ULK3: variants seen among roughly 807,000 people sequenced by gnomAD.
The protein encoded by ULK3 is serine/threonine-protein kinase ULK3.
A neutral mutation model predicts 69.4 loss-of-function variants in ULK3; 54 were observed. That is an observed-to-expected ratio of 0.78 (90% CI 0.63 to 0.98). ULK3 has a LOEUF of 0.98. Ranked by LOEUF, ULK3 falls within the 50% of genes least tolerant of loss-of-function variation. The probability of loss-of-function intolerance (pLI) is 0.00; values close to 1 mark genes in which losing one functional copy is unlikely to be tolerated. For missense variants in ULK3, 558 were observed against 627.7 expected (o/e 0.89, Z 1.19); for synonymous variants, 240 against 254.5 (o/e 0.94, Z 0.54).
rs533634109 is a variant in ULK3, at chr15:74,837,846, G to T, written c.1288-48C>A. On this transcript the variant is annotated intron_variant, in intron 13 of 15. Coordinates refer to ENST00000440863, the MANE Select transcript of ULK3 (RefSeq NM_001099436.4). ...TGGGTGTGGGGGAGAGTGGCGGGGG[G>T]TGGGGTTTCAAAGGGAACTCCTCCT... 3.3e-6 allele frequency: 5 copies of T among 1,535,658 alleles called. No homozygotes were observed. In the African/African-American group the frequency reaches 6.8e-5, roughly 21 times the overall value.
chr15:74,840,815 T>A, intron 4 of ULK3, 174 bp from the exon 5 acceptor site: 1 of 866,780 alleles, frequency 1.2e-6, no homozygotes, highest in East Asian at 2.9e-5. Context: ...CTCTGGGGTA[T>A]AAAACCTACC....
At chr15:74,840,020 G>A (rs558906987) in intron 6 of ULK3, among the ~76,000 whole-genome samples, 2 of 152,244 alleles carry the variant, frequency 1.3e-5, no homozygotes, top group African/African-American at 4.8e-5. Context: ...TCCCCACAAG[G>A]GCCTGCAAAA....
In ULK3 at chr15:74,836,233, T is replaced by C. The variant is rs776528527; in HGVS notation, c.*995A>G. 1 of 152,232 alleles carries C rather than the reference T, an allele frequency of 6.6e-6. No individual in the cohort carries two copies. The highest frequency in any genetic ancestry group is 1.5e-5 in the Non-Finnish European group (1 of 68,042). 9.4% of individuals were successfully genotyped at this position (152,232 alleles called of 1,614,324 possible). On this transcript the variant is annotated 3_prime_UTR_variant, in exon 16 of 16. Coordinates refer to ENST00000440863, the MANE Select transcript of ULK3 (RefSeq NM_001099436.4). This position sits in a 1 kb window ranked among gnomAD's most constrained non-coding sequence, Gnocchi z 4.0. ...CATTTAAGGGCAGAAGGGCTACAAA[T>C]CACCAACACCCGCTGATTATTTAAA...
At position 74,842,258 on chromosome 15, in the gene ULK3, C is replaced by T. The variant is rs750073764; in HGVS notation, c.243+22G>A. 3.7e-6 allele frequency: 6 copies of T among 1,613,866 alleles called. No homozygotes were observed. The highest frequency in any genetic ancestry group is 2.2e-5 in the East Asian group (1 of 44,884). On this transcript the variant is annotated intron_variant, in intron 2 of 15. Transcript: ENST00000440863. The surrounding 1 kb of genome is among the most constrained non-coding windows in gnomAD (Gnocchi z 4.9). ...TCCCTTCTCCAGCTCCCTTTGGCAG[C>T]GGCCCCGCCCCAGGCTCACACCTGA...
chr15:74,837,674 A>AG (rs11312224), intron 14 of ULK3, 77 bp downstream of exon 14: 167 of 1,475,866 alleles, frequency 1.1e-4, no homozygotes, highest in Admixed American at 2.6e-4. Context: ...ATACACCAGC[A>AG]GGGGGGGACG....
Position 74,842,006 on chromosome 15 carries a change from G to T in ULK3, c.364+69C>A. On this transcript the variant is annotated intron_variant, in intron 3 of 15. Transcript: ENST00000440863. This position sits in a 1 kb window ranked among gnomAD's most constrained non-coding sequence, Gnocchi z 4.9. ...ATGCGTGCCAAGGCTCTAAGCCTGG[G>T]GGAGGGGTGGGATGGTGGGGGGCAG... is the stretch of plus-strand genomic sequence containing the variant. 1 of 1,606,072 alleles carries T rather than the reference G, an allele frequency of 6.2e-7. No homozygotes were observed. Among genetic ancestry groups the T allele is most frequent in the South Asian group, 1.1e-5 (1 of 90,324 alleles).
chr15:74,837,584 C>T lies in ULK3; in HGVS notation c.1336-149G>A. 3 of 1,035,880 alleles carry T rather than the reference C, an allele frequency of 2.9e-6. No homozygotes were observed. In the South Asian group the frequency reaches 4.9e-5, roughly 17 times the overall value. 64.2% of individuals were successfully genotyped at this position (1,035,880 alleles called of 1,614,324 possible). ...GAGTGAAGGACGGGGACACGAGCCA[C>T]AGCGCAGTGCCGAGCAAGAGAGAGA... On this transcript the variant is annotated intron_variant, in intron 14 of 15. Transcript: ENST00000440863.
chr15:74,842,304 G>C lies in ULK3; in HGVS notation c.219C>G (p.His73Gln), dbSNP rs2064285780. The change falls in exon 2 of 16, where the codon CAC (histidine) becomes CAG (glutamine). Residue 73 changes from histidine to glutamine, a missense_variant. Coordinates refer to ENST00000440863, the MANE Select transcript of ULK3 (RefSeq NM_001099436.4). This position sits in a 1 kb window ranked among gnomAD's most constrained non-coding sequence, Gnocchi z 4.9. ...IEILKGIRHP[H>Q]IVQLKDFQWD... ...CCTGAAAGTCTTTCAGCTGCACAAT[G>C]TGGGGATGTCGAATGCCCTTGAGGA... 6.2e-7 allele frequency: 1 copy of C among 1,613,914 alleles called. No individual in the cohort carries two copies. Among genetic ancestry groups the C allele is most frequent in the African/African-American group, 1.3e-5 (1 of 74,944 alleles).
At position 74,838,676 on chromosome 15, in the gene ULK3, T is replaced by C. The variant is rs1219659725; in HGVS notation, c.1069A>G (p.Arg357Gly). 6.2e-7 allele frequency: 1 copy of C among 1,612,458 alleles called. No homozygotes were observed. The highest frequency in any genetic ancestry group is 2.2e-5 in the East Asian group (1 of 44,832). ...AGGTCTCGGGCAGAGGTCCCCTGCC[T>C]CAGCAGGGCCTGATTGGAAGAGGAG... ...IVSSSNQALL[R>G]QGTSARDLLR... is the part of the protein sequence containing the mutation. Residue 357 changes from arginine to glycine, a missense_variant, in exon 10 of 16, where the codon AGG becomes GGG. Physicochemically the swap from Arg to Gly is moderately radical, Grantham distance 125. Transcript: ENST00000440863.
intron 6 of ULK3, 106 bp from the exon 7 acceptor site, chr15:74,839,819 G>A: frequency 7.1e-7 from 1 of 1,404,970 alleles, no homozygotes; most frequent in South Asian, 1.5e-5. Context: ...GGACAGGTGG[G>A]GAATCTGAGA....
In ULK3 at chr15:74,842,046, A is replaced by G. The variant is rs750941322; in HGVS notation, c.364+29T>C. On this transcript the variant is annotated intron_variant, in intron 3 of 15. Coordinates refer to ENST00000440863, the MANE Select transcript of ULK3 (RefSeq NM_001099436.4). This position sits in a 1 kb window ranked among gnomAD's most constrained non-coding sequence, Gnocchi z 4.9. ...GTGGGGGGCAGAGAACAAGGGACAGAGTGTCAGGCTGGTGTCACAGGCCTT... is the reference window on the plus strand; with the variant it reads ...GTGGGGGGCAGAGAACAAGGGACAGGGTGTCAGGCTGGTGTCACAGGCCTT... The G allele has an allele frequency of 1.9e-6, 3 of 1,613,156 alleles. No individual in the cohort carries two copies. The South Asian group carries it at 3.3e-5, about 18-fold the overall frequency.
Position 74,842,443 on chromosome 15 carries a change from A to G in ULK3, c.103-23T>C, listed in dbSNP as rs1369366013. 6.2e-7 allele frequency: 1 copy of G among 1,613,268 alleles called. No homozygotes were observed. The highest frequency in any genetic ancestry group is 8.5e-7 in the Non-Finnish European group (1 of 1,179,774). ...CTTCTGCGAGACAGGAGATTTGGGG[A>G]CTCTGCCTTGAGGGGGCCAGGACCC... On this transcript the variant is annotated intron_variant, in intron 1 of 15. Transcript: ENST00000440863. This position sits in a 1 kb window ranked among gnomAD's most constrained non-coding sequence, Gnocchi z 4.9.
At chr15:74,839,241 G>A (rs1198505108) in intron 8 of ULK3, 27 bp downstream of exon 8, 17 of 1,549,658 alleles carry the variant, frequency 1.1e-5, no homozygotes, top group South Asian at 2.4e-5. Flanking sequence ...CTGCACCCAC[G>A]GGCTTCAGGC....
intron 4 of ULK3, among the ~76,000 whole-genome samples, chr15:74,841,070 T>C (rs1166568301): frequency 6.6e-6 from 1 of 152,126 alleles, no homozygotes; most frequent in Non-Finnish European, 1.5e-5. Flanking sequence ...ACAGACCAAG[T>C]CCTGTCCCTG....
chr15:74,838,658 G>A lies in ULK3; in HGVS notation c.1087C>T (p.Arg363Ter), dbSNP rs1334430400. 3.7e-6 allele frequency: 6 copies of A among 1,611,596 alleles called. No homozygotes were observed. The highest frequency in any genetic ancestry group is 4.2e-6 in the Non-Finnish European group (5 of 1,178,792). Residue 363 changes from arginine to a stop codon, truncating the protein, a stop_gained, in exon 10 of 16, where the codon CGA becomes TGA. Transcript: ENST00000440863. LOFTEE classifies it high-confidence loss of function. ...QALLRQGTSA[R>*]DLLREMARDK... ...CGGAGTCTACCTCTGAGCAGGTCTC[G>A]GGCAGAGGTCCCCTGCCTCAGCAGG...
chr15:74,839,090 C>T, intron 8 of ULK3, 40 bp from the exon 9 acceptor site: 2 of 1,582,792 alleles, frequency 1.3e-6, no homozygotes, highest in African/African-American at 2.7e-5. Context: ...TGGGCGAACC[C>T]CTCCCTGCCC....
In ULK3 at chr15:74,842,230, G is replaced by T. The variant is rs1157657254; in HGVS notation, c.244-35C>A. On this transcript the variant is annotated intron_variant, in intron 2 of 15. Transcript: ENST00000440863. This position sits in a 1 kb window ranked among gnomAD's most constrained non-coding sequence, Gnocchi z 4.9. ...GAGGCAGAGAGGCGGCCTGAAGAGA[G>T]TGTCCCTTCTCCAGCTCCCTTTGGC... is the stretch of plus-strand genomic sequence containing the variant. The T allele has an allele frequency of 1.2e-6, 2 of 1,613,834 alleles. No homozygotes were observed. The highest frequency in any genetic ancestry group is 2.7e-5 in the African/African-American group (2 of 74,942).
intron 4 of ULK3, among the ~76,000 whole-genome samples, chr15:74,841,010 C>A (rs1157215565): frequency 1.3e-5 from 2 of 152,308 alleles, no homozygotes; most frequent in Non-Finnish European, 1.5e-5. Flanking sequence ...CACCACACCC[C>A]TCCTATGTGG....
chr15:74,837,573 G>A (rs1197995774), intron 14 of ULK3, 138 bp from the exon 15 acceptor site: 12 of 670,172 alleles, frequency 1.8e-5, no homozygotes, highest in Non-Finnish European at 2.4e-5. Context: ...GAAGGACGGG[G>A]ACACGAGCCA....
Sources: allele counts gnomAD v4.1 joint callset (sites outside exome capture counted in the v4.1 genomes callset), GRCh38; gene constraint gnomAD v4.1.1; non-coding constraint Gnocchi (gnomAD v3.1); transcripts MANE v1.5; gene names NCBI Gene and HGNC (gene_info 2026-07-23, HGNC 2026-07-21).